WDR35: variants seen among roughly 807,000 people sequenced by gnomAD.
The protein encoded by WDR35 is WD repeat domain 35.
WDR35 carries 118 observed loss-of-function variants against 158.3 expected under a neutral mutation model. That is an observed-to-expected ratio of 0.75 (90% CI 0.64 to 0.87). The LOEUF (loss-of-function observed/expected upper bound fraction) is 0.87, where lower values mean the gene tolerates loss of function less well. Among genes scored for constraint, WDR35 ranks in the 40% least tolerant of loss-of-function variants. The probability of loss-of-function intolerance (pLI) is 0.00; values close to 1 mark genes in which losing one functional copy is unlikely to be tolerated. For synonymous variants in WDR35, 448 were observed against 476.1 expected, an observed-to-expected ratio of 0.94 and a Z score of 0.77; for missense variants, 1,263 against 1,405.8, an observed-to-expected ratio of 0.90 and a Z score of 1.62.
At chr2:19,926,762 AG>A (rs1670366271) in intron 25 of WDR35, among the ~76,000 whole-genome samples, 1 of 152,242 alleles carries the variant, frequency 6.6e-6, no homozygotes, top group Non-Finnish European at 1.5e-5. Flanking sequence ...GTTGGGAAAT[AG>A]GTAAAATAAT....
intron 25 of WDR35, among the ~76,000 whole-genome samples, chr2:19,920,122 C>T (rs562511150): frequency 4.3e-4 from 65 of 152,144 alleles, no homozygotes; most frequent in Non-Finnish European, 7.8e-4. Flanking sequence ...CAGGACCAGA[C>T]GGATTCACAG....
In WDR35 at chr2:19,914,235, T is replaced by C; in HGVS notation, c.3164A>G (p.Glu1055Gly). Residue 1055 changes from glutamate (E) to glycine (G), a missense_variant, in exon 26 of 27, where the codon GAG (glutamate) becomes GGG (glycine). Glu to Gly is a moderately conservative substitution (Grantham distance 98). Coordinates refer to ENST00000281405, the MANE Select transcript of WDR35 (RefSeq NM_020779.4). ...KDYEDIIPPV[E>G]IYSLLALCAC... is the part of the protein sequence containing the mutation. ...GCAGAGTGCTAGCAGAGAGTAGATC[T>C]CCACAGGAGGGATGATGTCTTCATA... 1 of 1,614,188 alleles carries C rather than the reference T, an allele frequency of 6.2e-7. No homozygotes were observed. The highest frequency in any genetic ancestry group is 1.1e-5 in the South Asian group (1 of 91,084).
chr2:19,973,778 A>T (rs1672105306), intron 7 of WDR35, 70 bp from the exon 8 acceptor site: 10 of 1,544,604 alleles, frequency 6.5e-6, no homozygotes, highest in Non-Finnish European at 8.8e-6. Flanking sequence ...TAATCTTAAG[A>T]ACAACTTTTA....
intron 19 of WDR35, among the ~76,000 whole-genome samples, chr2:19,937,301 A>G (rs188282365): frequency 2.7e-3 from 405 of 152,354 alleles, no homozygotes; most frequent in African/African-American, 9.1e-3. Flanking sequence ...TTCATACATT[A>G]TTTTATATAA....
Position 19,934,017 on chromosome 2 carries a change from G to A in WDR35, c.2548-506C>T, listed in dbSNP as rs1670608438. 4.3e-5 allele frequency among the ~76,000 whole-genome samples: 6 copies of A among 139,302 alleles called. No individual in the cohort carries two copies. The South Asian group carries it at 1.2e-3, about 27-fold the overall frequency. The allele number at this position is 139,302 out of a possible 152,430, so 91.4% of individuals were successfully genotyped here. On this transcript the variant is annotated intron_variant, in intron 21 of 26. Transcript: ENST00000281405. This position sits in a 1 kb window ranked among gnomAD's most constrained non-coding sequence, Gnocchi z 4.6. ...AGCTCTCTTGGAAAGTGGTGGCAGC[G>A]AGGAAGAACCACCACCACCACCACC...
At chr2:19,956,684 G>A (rs1160571646) in intron 11 of WDR35, among the ~76,000 whole-genome samples, 2 of 147,284 alleles carry the variant, frequency 1.4e-5, no homozygotes, top group Admixed American at 7.0e-5. Flanking sequence ...GCAGTGGCAC[G>A]GTCTCGACTC....
chr2:19,914,941 T>TG (rs1205436487), intron 25 of WDR35, among the ~76,000 whole-genome samples: 2 of 115,598 alleles, frequency 1.7e-5, no homozygotes, highest in African/African-American at 6.7e-5. Context: ...CTGTTGGGGG[T>TG]GGGGGGCTAG....
intron 14 of WDR35, 48 bp from the exon 15 acceptor site, chr2:19,946,618 T>C (rs1191037980): frequency 6.6e-7 from 1 of 1,519,872 alleles, no homozygotes; most frequent in Non-Finnish European, 9.1e-7. Context: ...ATCATAATAA[T>C]ATTAAACTAC....
chr2:19,913,549 A>C lies in WDR35; in HGVS notation c.*9T>G, dbSNP rs778901558. On this transcript the variant is annotated 3_prime_UTR_variant, in exon 27 of 27. Coordinates refer to ENST00000281405, the MANE Select transcript of WDR35 (RefSeq NM_020779.4). The stretch of plus-strand genomic sequence containing the variant: ...TATATTTTACAGTTATATACAGTTT[A>C]TCATTCCTTTATCCCACTGGACTAT... 8 of 1,614,094 alleles carry C rather than the reference A, an allele frequency of 5.0e-6. 1 individual carries two copies. The East Asian group carries it at 8.9e-5, about 18-fold the overall frequency.
chr2:19,956,672 G>C (rs1389986459), intron 11 of WDR35, among the ~76,000 whole-genome samples: 2 of 146,684 alleles, frequency 1.4e-5, no homozygotes, highest in Non-Finnish European at 3.0e-5. Context: ...CCAGGCTGGA[G>C]TGCAGTGGCA....
chr2:19,938,492 C>A, intron 17 of WDR35, 91 bp from the exon 18 acceptor site: 355 of 1,383,856 alleles, frequency 2.6e-4, no homozygotes, highest in East Asian at 6.2e-4. Context: ...CAAAACAAAA[C>A]AAGAAAAAAA....
Position 19,952,110 on chromosome 2 carries a change from A to G in WDR35, c.1401-626T>C, listed in dbSNP as rs73214266. Among the ~76,000 whole-genome samples, 37,189 of 152,024 alleles carry G rather than the reference A, an allele frequency of 0.24. 4,653 individuals are homozygous for G. Among genetic ancestry groups the G allele is most frequent in the Non-Finnish European group, 0.25 (17,262 of 67,948 alleles). ...ATGTCTGGGCTTTTAGTGCAACCACAACCCAAGTAATGTACACTGTACACA... is the reference window on the plus strand; with the variant it reads ...ATGTCTGGGCTTTTAGTGCAACCACGACCCAAGTAATGTACACTGTACACA... On this transcript the variant is annotated intron_variant, in intron 12 of 26. Coordinates refer to ENST00000281405, the MANE Select transcript of WDR35 (RefSeq NM_020779.4).
chr2:19,935,009 T>C (rs1670646910), intron 21 of WDR35: 1 of 154,120 alleles, frequency 6.5e-6, no homozygotes, highest in South Asian at 2.0e-4. Context: ...AAAAGAACAT[T>C]TGAAAGCAAG....
At chr2:19,939,701 G>GT (rs1026591338) in intron 17 of WDR35, among the ~76,000 whole-genome samples, 14 of 151,160 alleles carry the variant, frequency 9.3e-5, no homozygotes, top group African/African-American at 1.9e-4. Context: ...GGGATTTAGG[G>GT]TTTTTTTTTA....
At chr2:19,973,164 T>C (rs1672082869) in intron 8 of WDR35, among the ~76,000 whole-genome samples, 1 of 152,120 alleles carries the variant, frequency 6.6e-6, no homozygotes, top group South Asian at 2.1e-4. Flanking sequence ...CAGATATGTA[T>C]GTTTAACATC....
At chr2:19,989,959 C>T (rs371869988) in intron 1 of WDR35, 33 bp downstream of exon 1, 1 of 1,612,786 alleles carries the variant, frequency 6.2e-7, no homozygotes, top group South Asian at 1.1e-5. Context: ...GCGGGAATGG[C>T]GGAGAAACGA....
chr2:19,976,461 T>G (rs1308635677), intron 5 of WDR35, among the ~76,000 whole-genome samples: 1 of 152,098 alleles, frequency 6.6e-6, no homozygotes, highest in African/African-American at 2.4e-5. Context: ...ATACTAATAG[T>G]CCAGACCTCA....
At chr2:19,924,821 C>T (rs1558324167) in intron 25 of WDR35, among the ~76,000 whole-genome samples, 1 of 152,052 alleles carries the variant, frequency 6.6e-6, no homozygotes, top group Non-Finnish European at 1.5e-5. Context: ...CTGTGGGAAG[C>T]ATGGTCATAC....
At chr2:19,918,600 A>C (rs1242935677) in intron 25 of WDR35, among the ~76,000 whole-genome samples, 2 of 152,202 alleles carry the variant, frequency 1.3e-5, no homozygotes, top group Non-Finnish European at 2.9e-5. Flanking sequence ...TTGCAATCCT[A>C]GTCTCTGAAA....
Sources: allele counts gnomAD v4.1 joint callset (sites outside exome capture counted in the v4.1 genomes callset), GRCh38; gene constraint gnomAD v4.1.1; non-coding constraint Gnocchi (gnomAD v3.1); transcripts MANE v1.5; gene names NCBI Gene and HGNC (gene_info 2026-07-23, HGNC 2026-07-21).